The following UNC5C variants were observed in gnomAD, a reference collection of about 807,000 sequenced individuals.
UNC5C encodes the protein netrin receptor UNC5C.
In UNC5C, 47 loss-of-function variants were observed where a neutral mutation model predicts 99.8. That is an observed-to-expected ratio of 0.47 (90% CI 0.37 to 0.60). The LOEUF (loss-of-function observed/expected upper bound fraction) is 0.60, where lower values mean the gene tolerates loss of function less well. UNC5C is among the 20% of genes least tolerant of loss of function. The probability of loss-of-function intolerance (pLI) is 0.00; values close to 1 mark genes in which losing one functional copy is unlikely to be tolerated. For synonymous variants in UNC5C, 487 were observed against 452.2 expected, an observed-to-expected ratio of 1.08 and a Z score of -0.98; for missense variants, 1,062 against 1,165.9, an observed-to-expected ratio of 0.91 and a Z score of 1.30.
At chr4:95,260,230 C>CA (rs1318977114) in intron 4 of UNC5C, among the ~76,000 whole-genome samples, 2 of 152,122 alleles carry the variant, frequency 1.3e-5, no homozygotes, top group South Asian at 4.1e-4. Flanking sequence ...TTGCCACATG[C>CA]AAAACGAAAC....
chr4:95,166,798 T>TA lies in UNC5C; in HGVS notation c.*2435dup, dbSNP rs1039794537. ...TAGCTCTCTTTCCTCCTCCTCCTTT[T>TA]AAAAAATGTGTGTGTATAACTGCGT... On this transcript the variant is annotated 3_prime_UTR_variant, in exon 16 of 16. Coordinates refer to ENST00000453304, the MANE Select transcript of UNC5C (RefSeq NM_003728.4). The TA allele has an allele frequency of 4.6e-5, 7 of 152,298 alleles. No homozygotes were observed. Among genetic ancestry groups the TA allele is most frequent in the African/African-American group, 7.2e-5 (3 of 41,556 alleles). 9.4% of individuals were successfully genotyped at this position (152,298 alleles called of 1,614,324 possible). A position where few individuals can be genotyped will look rare whatever the true frequency, so the allele number is the denominator to read the frequency against.
intron 1 of UNC5C, among the ~76,000 whole-genome samples, chr4:95,480,959 T>C (rs1235776716): frequency 1.3e-5 from 2 of 151,058 alleles, no homozygotes; most frequent in Non-Finnish European, 2.9e-5. Context: ...AAGACAGGGA[T>C]GCCCTCTCTC....
intron 1 of UNC5C, among the ~76,000 whole-genome samples, chr4:95,427,649 C>T (rs554615393): frequency 5.8e-4 from 89 of 152,200 alleles, no homozygotes; most frequent in Middle Eastern, 3.4e-3. Context: ...CATTGTTTTT[C>T]GGATAGAATG....
At chr4:95,255,353 A>G (rs556025290) in intron 4 of UNC5C, among the ~76,000 whole-genome samples, 4 of 152,202 alleles carry the variant, frequency 2.6e-5, no homozygotes, top group African/African-American at 7.2e-5. Flanking sequence ...AAAATTCATA[A>G]CAGATCACAA....
chr4:95,386,213 T>A (rs1745207109), intron 1 of UNC5C, among the ~76,000 whole-genome samples: 1 of 145,610 alleles, frequency 6.9e-6, no homozygotes, highest in African/African-American at 2.5e-5. Flanking sequence ...TTGACACAAC[T>A]TTTTTTTTTC....
At chr4:95,493,512 G>A (rs561686323) in intron 1 of UNC5C, among the ~76,000 whole-genome samples, 24 of 151,374 alleles carry the variant, frequency 1.6e-4, no homozygotes, top group Admixed American at 1.2e-3. Context: ...GTCAGTGGAT[G>A]GAAACACTAG....
At chr4:95,393,006 T>C (rs1466267423) in intron 1 of UNC5C, among the ~76,000 whole-genome samples, 4 of 152,138 alleles carry the variant, frequency 2.6e-5, no homozygotes, top group Non-Finnish European at 5.9e-5. Context: ...TCAGCATGCA[T>C]GGTATTAGAT....
chr4:95,194,164 A>G (rs1189321076), intron 12 of UNC5C, among the ~76,000 whole-genome samples: 1 of 152,174 alleles, frequency 6.6e-6, no homozygotes, highest in Non-Finnish European at 1.5e-5. Flanking sequence ...CCAAATGCCA[A>G]CGGGTGGTGC....
At position 95,289,601 on chromosome 4, in the gene UNC5C, G is replaced by A. The variant is rs542964430; in HGVS notation, c.491-11239C>T. 8.5e-5 allele frequency among the ~76,000 whole-genome samples: 13 copies of A among 152,200 alleles called. 1 individual carries two copies. The South Asian group carries it at 2.5e-3, about 29-fold the overall frequency. ...AGCTGTTTTAATATATTTTCAAAGT[G>A]CTCCTCTAGCAAATGATTTCATGGT... On this transcript the variant is annotated intron_variant, in intron 3 of 15. Coordinates refer to ENST00000453304, the MANE Select transcript of UNC5C (RefSeq NM_003728.4).
intron 4 of UNC5C, among the ~76,000 whole-genome samples, chr4:95,274,752 G>C (rs115716057): frequency 6.6e-6 from 1 of 151,872 alleles, no homozygotes; most frequent in Non-Finnish European, 1.5e-5. Context: ...GGGGCCAGGC[G>C]TGGTAGCTCA....
At chr4:95,446,212 A>G (rs188343115) in intron 1 of UNC5C, among the ~76,000 whole-genome samples, 3 of 152,220 alleles carry the variant, frequency 2.0e-5, no homozygotes, top group Non-Finnish European at 4.4e-5. Flanking sequence ...GCATAGCAAG[A>G]TGTAGCCAGA....
At chr4:95,260,591 AAGG>A (rs1424193013) in intron 4 of UNC5C, among the ~76,000 whole-genome samples, 17 of 152,146 alleles carry the variant, frequency 1.1e-4, no homozygotes, top group African/African-American at 3.9e-4. Context: ...TCTAATGGGA[AAGG>A]AGAAGTGAAA....
intron 1 of UNC5C, among the ~76,000 whole-genome samples, chr4:95,547,446 T>C (rs1331847355): frequency 6.6e-6 from 1 of 152,106 alleles, no homozygotes; most frequent in African/African-American, 2.4e-5. Context: ...CCGGAAACCC[T>C]AGGGTGTCTG....
chr4:95,255,807 C>T (rs1418367985), intron 4 of UNC5C, among the ~76,000 whole-genome samples: 2 of 151,994 alleles, frequency 1.3e-5, no homozygotes, highest in Non-Finnish European at 2.9e-5. Flanking sequence ...TCTGCCTCTA[C>T]TCACCCCCCG....
chr4:95,397,540 A>T (rs1431236630), intron 1 of UNC5C, among the ~76,000 whole-genome samples: 1 of 152,222 alleles, frequency 6.6e-6, no homozygotes, highest in Non-Finnish European at 1.5e-5. Flanking sequence ...CTAATAATTA[A>T]TTTTTTACGT....
At chr4:95,216,246 CT>C (rs1259883828) in intron 9 of UNC5C, 35 bp from the exon 10 acceptor site, 2 of 1,558,456 alleles carry the variant, frequency 1.3e-6, no homozygotes, top group Non-Finnish European at 8.8e-7. Context: ...TCATTTAAGA[CT>C]TTTGCAGCAC....
At chr4:95,459,505 G>A (rs1747540371) in intron 1 of UNC5C, among the ~76,000 whole-genome samples, 1 of 152,166 alleles carries the variant, frequency 6.6e-6, no homozygotes. Context: ...GTAATTGACT[G>A]AGACTATATC....
rs1399962201 is a variant in UNC5C, at chr4:95,506,244, T to C, written c.124+42490A>G. ...ATTGGAAGTAAAATCACAAAGTTGT[T>C]GCAGAATATTCAACTCTGCGGCAAC... is the stretch of plus-strand genomic sequence containing the variant. On this transcript the variant is annotated intron_variant, in intron 1 of 15. Transcript: ENST00000453304. 3.3e-5 allele frequency among the ~76,000 whole-genome samples: 5 copies of C among 152,174 alleles called. No individual in the cohort carries two copies. The East Asian group carries it at 9.7e-4, about 29-fold the overall frequency.
intron 1 of UNC5C, among the ~76,000 whole-genome samples, chr4:95,351,403 TACTC>T (rs1553965740): frequency 2.6e-5 from 4 of 152,158 alleles, no homozygotes; most frequent in Non-Finnish European, 2.9e-5. Context: ...TTATAGGAAT[TACTC>T]TATTAATCAA....
Sources: allele counts gnomAD v4.1 joint callset (sites outside exome capture counted in the v4.1 genomes callset), GRCh38; gene constraint gnomAD v4.1.1; transcripts MANE v1.5; gene names NCBI Gene and HGNC (gene_info 2026-07-23, HGNC 2026-07-21).